Variants in USP34 observed in about 807,000 individuals in gnomAD.
The protein encoded by USP34 is ubiquitin carboxyl-terminal hydrolase 34.
USP34 carries 70 observed loss-of-function variants against 460.3 expected under a neutral mutation model. That is an observed-to-expected ratio of 0.15 (90% CI 0.13 to 0.19). USP34 has a LOEUF of 0.19. Ranked by LOEUF, USP34 falls within the 10% of genes least tolerant of loss-of-function variation. USP34 has a pLI of 1.00. For synonymous variants in USP34, 1,647 were observed against 1,405.3 expected, an observed-to-expected ratio of 1.17 and a Z score of -3.85; for missense variants, 3,985 against 4,236.2, an observed-to-expected ratio of 0.94 and a Z score of 1.65.
chr2:61,460,102 T>C (rs1014410478), intron 1 of USP34, among the ~76,000 whole-genome samples: 3 of 152,184 alleles, frequency 2.0e-5, no homozygotes, highest in Admixed American at 1.3e-4. Flanking sequence ...TTGGCTTTTT[T>C]TGAGCACCCA....
At chr2:61,190,250 C>G in intron 78 of USP34, 21 bp downstream of exon 78, 1 of 1,587,172 alleles carries the variant, frequency 6.3e-7, no homozygotes, top group Non-Finnish European at 8.6e-7. Context: ...GTGTGTGCCG[C>G]CGCCTCTGCA....
At chr2:61,226,899 T>G in intron 62 of USP34, 168 bp downstream of exon 62, 1 of 803,254 alleles carries the variant, frequency 1.2e-6, no homozygotes, top group Non-Finnish European at 1.8e-6. Flanking sequence ...CAAGAGTTGA[T>G]GAATAGTAGT....
rs149844274 is a variant in USP34, at chr2:61,283,898, G to A, written c.4833-449C>T. ...GTCAAACTCATTGAAGAAGAGAGTA[G>A]AATAATGGTTACCAGAGGCTGGAGG... On this transcript the variant is annotated intron_variant, in intron 35 of 79. Coordinates refer to ENST00000398571, the MANE Select transcript of USP34 (RefSeq NM_014709.4). Among the ~76,000 whole-genome samples, 1,118 of 131,140 alleles carry A rather than the reference G, an allele frequency of 8.5e-3. 14 individuals are homozygous for A. The highest frequency in any genetic ancestry group is 0.028 in the African/African-American group (1,027 of 36,144). The allele number at this position is 131,140 out of a possible 152,430, so 86.0% of individuals were successfully genotyped here. A position where few individuals can be genotyped will look rare whatever the true frequency, so the allele number is the denominator to read the frequency against.
At chr2:61,320,681 A>C in intron 21 of USP34, among the ~76,000 whole-genome samples, 1 of 151,892 alleles carries the variant, frequency 6.6e-6, no homozygotes, top group East Asian at 2.0e-4. Context: ...TCTGGGCAAT[A>C]TAGGAAGACA....
At chr2:61,259,555 T>A (rs950233618) in intron 44 of USP34, among the ~76,000 whole-genome samples, 156 bp downstream of exon 44, 1 of 75,672 alleles carries the variant, frequency 1.3e-5, no homozygotes, top group African/African-American at 6.5e-5. Flanking sequence ...GCCTGGCTTA[T>A]TTTTTTTTTT....
chr2:61,445,166 AACAC>A (rs1210155500), intron 1 of USP34, among the ~76,000 whole-genome samples: 1 of 149,846 alleles, frequency 6.7e-6, no homozygotes, highest in Non-Finnish European at 1.5e-5. Context: ...AACCACACTA[AACAC>A]ACACACACAA....
chr2:61,381,297 G>C (rs1439688057), intron 6 of USP34, among the ~76,000 whole-genome samples: 1 of 150,734 alleles, frequency 6.6e-6, no homozygotes, highest in African/African-American at 2.4e-5. Context: ...AAACTACCTA[G>C]CTAACCAGAG....
rs1212430418 is a variant in USP34 at position 61,280,984 on chromosome 2, A to G, written c.5151+106T>C. On this transcript the variant is annotated intron_variant, in intron 38 of 79. Transcript: ENST00000398571. ...TACTATCCTCTTGGTAAAAAATCACATACAGTAGTCAAATGATCAAAATTT... is the reference window on the plus strand; with the variant it reads ...TACTATCCTCTTGGTAAAAAATCACGTACAGTAGTCAAATGATCAAAATTT... 2.4e-5 allele frequency: 30 copies of G among 1,226,624 alleles called. 1 individual carries two copies. The Admixed American group carries it at 7.1e-4, about 29-fold the overall frequency. The allele number at this position is 1,226,624 out of a possible 1,614,324, so 76.0% of individuals were successfully genotyped here.
chr2:61,258,646 G>GA (rs1688787100), intron 44 of USP34, among the ~76,000 whole-genome samples: 5 of 151,982 alleles, frequency 3.3e-5, no homozygotes, highest in African/African-American at 1.2e-4. Flanking sequence ...AAGGGTAGGG[G>GA]GAAAAAACCC....
At chr2:61,233,063 T>C (rs1444969500) in intron 57 of USP34, among the ~76,000 whole-genome samples, 1 of 152,060 alleles carries the variant, frequency 6.6e-6, no homozygotes, top group African/African-American at 2.4e-5. Context: ...TTTCACTATG[T>C]TGGCCAGGCT....
intron 1 of USP34, among the ~76,000 whole-genome samples, chr2:61,464,589 G>C (rs1381930884): frequency 6.6e-6 from 1 of 151,908 alleles, no homozygotes. Flanking sequence ...CAACACATAA[G>C]TGGTTTAAAA....
Position 61,301,459 on chromosome 2 carries a change from A to T in USP34, c.3818-5T>A. 1 of 1,605,248 alleles carries T rather than the reference A, an allele frequency of 6.2e-7. No homozygotes were observed. The highest frequency in any genetic ancestry group is 8.5e-7 in the Non-Finnish European group (1 of 1,176,210). ...TGACAGGTCCCATGAGGCCTCCTTA[A>T]AAACAGCAAAACATGGAAATGAATT... is the stretch of plus-strand genomic sequence containing the variant. On this transcript the variant is annotated splice_polypyrimidine_tract_variant and splice_region_variant and intron_variant, in intron 27 of 79. Transcript: ENST00000398571.
chr2:61,203,305 T>A, intron 74 of USP34, 42 bp from the exon 75 acceptor site: 3 of 1,435,218 alleles, frequency 2.1e-6, no homozygotes, highest in Middle Eastern at 2.0e-4. Context: ...TTAAATTGTA[T>A]AATAAAGAGC....
chr2:61,195,666 T>A (rs1187286155), intron 75 of USP34, among the ~76,000 whole-genome samples: 1 of 152,074 alleles, frequency 6.6e-6, no homozygotes, highest in Non-Finnish European at 1.5e-5. Flanking sequence ...AGCCAGACTC[T>A]GTCTCAAACA....
At chr2:61,195,863 G>A (rs1686787526) in intron 75 of USP34, among the ~76,000 whole-genome samples, 1 of 151,860 alleles carries the variant, frequency 6.6e-6, no homozygotes, top group African/African-American at 2.4e-5. Flanking sequence ...AATTTCTCTA[G>A]TCATTTCTCC....
At chr2:61,327,709 C>T (rs1327430576) in intron 20 of USP34, among the ~76,000 whole-genome samples, 1 of 152,092 alleles carries the variant, frequency 6.6e-6, no homozygotes, top group Non-Finnish European at 1.5e-5. Flanking sequence ...AGTATAGCCC[C>T]GATGCTGCAC....
chr2:61,464,538 TA>T (rs1232646106), intron 1 of USP34, among the ~76,000 whole-genome samples: 1 of 151,940 alleles, frequency 6.6e-6, no homozygotes, highest in Non-Finnish European at 1.5e-5. Context: ...GACAACTTGG[TA>T]AACTATAACC....
intron 1 of USP34, among the ~76,000 whole-genome samples, chr2:61,434,364 G>C (rs1365922844): frequency 6.6e-6 from 1 of 152,270 alleles, no homozygotes; most frequent in East Asian, 1.9e-4. Context: ...GGCTGGCTGA[G>C]CAGTTGTGCA....
intron 5 of USP34, among the ~76,000 whole-genome samples, chr2:61,385,671 CAAAAAAAAAAA>C (rs61200102): frequency 4.8e-4 from 22 of 46,002 alleles, no homozygotes; most frequent in South Asian, 1.0e-3. Context: ...GACTCTGTCT[CAAAAAAAAAAA>C]AAAAAAAAAA....
Sources: gnomAD v4.1 joint callset for allele counts (sites outside exome capture counted in the v4.1 genomes callset) on GRCh38, gnomAD v4.1.1 for gene constraint, MANE v1.5 for transcripts, NCBI Gene and HGNC (gene_info 2026-07-23, HGNC 2026-07-21) for gene names.